The following STIL variants were observed in gnomAD, a reference collection of about 807,000 sequenced individuals.
STIL encodes the protein SCL-interrupting locus protein.
A neutral mutation model predicts 110.1 loss-of-function variants in STIL; 55 were observed. The ratio of observed to expected loss-of-function variants is 0.50; its 90% CI spans 0.40 to 0.63. The LOEUF (loss-of-function observed/expected upper bound fraction) is 0.63. Among genes scored for constraint, STIL ranks in the 20% least tolerant of loss-of-function variants. STIL has a pLI of 0.00. For synonymous variants in STIL, 481 were observed against 530.0 expected (o/e 0.91, Z 1.27); for missense variants, 1,358 against 1,530.0 (o/e 0.89, Z 1.87).
chr1:47,289,058 T>A (rs1645393893), intron 9 of STIL, among the ~76,000 whole-genome samples: 1 of 53,800 alleles, frequency 1.9e-5, no homozygotes, highest in African/African-American at 6.6e-5. Context: ...TGAGATTCCA[T>A]CTCAAAAAAA....
chr1:47,260,558 AT>A lies in STIL; in HGVS notation c.2830-20del, dbSNP rs766314697. 7 of 1,613,504 alleles carry A rather than the reference AT, an allele frequency of 4.3e-6. No individual in the cohort carries two copies. Among genetic ancestry groups the A allele is most frequent in the African/African-American group, 1.3e-5 (1 of 75,016 alleles). ...CTTGACCCTGACAAAAAGAAAAAAA[AT>A]TTTTTTGAAAAATCACTATTAACAA... On this transcript the variant is annotated intron_variant, in intron 15 of 16. Coordinates refer to ENST00000371877, the MANE Select transcript of STIL (RefSeq NM_001048166.1).
intron 2 of STIL, among the ~76,000 whole-genome samples, chr1:47,308,403 AAAAG>A (rs972004266): frequency 1.7e-5 from 2 of 117,568 alleles, no homozygotes; most frequent in Admixed American, 2.1e-4. Flanking sequence ...AAAACAAAAA[AAAAG>A]AAAAAAGAAA....
chr1:47,266,506 C>A (rs1644658286), intron 14 of STIL, among the ~76,000 whole-genome samples: 1 of 152,192 alleles, frequency 6.6e-6, no homozygotes, highest in South Asian at 2.1e-4. Flanking sequence ...CTACTACAGG[C>A]ACATACCACC....
chr1:47,284,970 A>G (rs1191838413), intron 10 of STIL, among the ~76,000 whole-genome samples: 1 of 149,340 alleles, frequency 6.7e-6, no homozygotes, highest in East Asian at 2.0e-4. Context: ...TCAAATTGCA[A>G]TTCTTCCCTG....
chr1:47,266,915 G>A (rs1301549536), intron 14 of STIL, among the ~76,000 whole-genome samples: 1 of 152,074 alleles, frequency 6.6e-6, no homozygotes, highest in African/African-American at 2.4e-5. Context: ...ATCCTACAAA[G>A]CCCCATATAA....
chr1:47,275,500 C>T (rs953851287), intron 12 of STIL, among the ~76,000 whole-genome samples: 6 of 151,826 alleles, frequency 4.0e-5, no homozygotes, highest in Non-Finnish European at 7.4e-5. Flanking sequence ...CCCAGCTACT[C>T]AGGAGGCTGA....
Position 47,264,791 on chromosome 1 carries a change from C to G in STIL, c.2616-1675G>C, listed in dbSNP as rs368708699. Reference sequence around the variant, plus strand: ...ACAACACTGGAGAAAGTATTTAATCCAAATCAACAACCCAAATCAATGCTG... The same window carrying G: ...ACAACACTGGAGAAAGTATTTAATCGAAATCAACAACCCAAATCAATGCTG... On this transcript the variant is annotated intron_variant, in intron 14 of 16. Coordinates refer to ENST00000371877, the MANE Select transcript of STIL (RefSeq NM_001048166.1). Among the ~76,000 whole-genome samples the G allele has an allele frequency of 1.4e-4, 22 of 152,158 alleles. No individual in the cohort carries two copies. In the East Asian group the frequency reaches 4.3e-3, roughly 29 times the overall value.
In STIL at chr1:47,281,215, A is replaced by C; in HGVS notation, c.1249-6T>G. 6.2e-7 allele frequency: 1 copy of C among 1,610,610 alleles called. No individual in the cohort carries two copies. The highest frequency in any genetic ancestry group is 8.5e-7 in the Non-Finnish European group (1 of 1,179,148). On this transcript the variant is annotated splice_polypyrimidine_tract_variant and splice_region_variant and intron_variant, in intron 11 of 16. Transcript: ENST00000371877. The stretch of plus-strand genomic sequence containing the variant: ...GATGGTTGGATCTTAGAAATCTACA[A>C]ATAAGAAAGAAATAGAAAAAAAAAG...
At chr1:47,255,607 G>C (rs1212353646) in intron 16 of STIL, among the ~76,000 whole-genome samples, 1 of 150,136 alleles carries the variant, frequency 6.7e-6, no homozygotes, top group Non-Finnish European at 1.5e-5. Flanking sequence ...ATCCAGATTA[G>C]TTATCTACTA....
intron 8 of STIL, among the ~76,000 whole-genome samples, chr1:47,291,502 C>T (rs1189039893): frequency 6.6e-6 from 1 of 152,090 alleles, no homozygotes; most frequent in Non-Finnish European, 1.5e-5. Flanking sequence ...TTTTTCTCCA[C>T]AGTACTCATC....
chr1:47,251,940 G>T lies in STIL; in HGVS notation c.3081-18C>A. On this transcript the variant is annotated intron_variant, in intron 16 of 16. Transcript: ENST00000371877. ...CCAACACACTGAAAGACACAAAGTAGTAAGCCATCATTTACCATATTCTAA... is the reference window on the plus strand; with the variant it reads ...CCAACACACTGAAAGACACAAAGTATTAAGCCATCATTTACCATATTCTAA... 6.2e-7 allele frequency: 1 copy of T among 1,607,912 alleles called. No homozygotes were observed. Among genetic ancestry groups the T allele is most frequent in the Non-Finnish European group, 8.5e-7 (1 of 1,178,614 alleles).
At chr1:47,292,499 A>C (rs1645523959) in intron 8 of STIL, among the ~76,000 whole-genome samples, 2 of 152,166 alleles carry the variant, frequency 1.3e-5, no homozygotes, top group South Asian at 2.1e-4. Flanking sequence ...CAAAAGGGCC[A>C]GTTTTTAAAA....
At chr1:47,268,780 TA>T (rs778713973) in intron 14 of STIL, among the ~76,000 whole-genome samples, 11,746 of 150,726 alleles carry the variant, frequency 0.078, 1,410 homozygotes, top group African/African-American at 0.26. Context: ...AATAAATAAA[TA>T]AATAAATAAA....
intron 16 of STIL, among the ~76,000 whole-genome samples, chr1:47,258,349 T>A (rs889783160): frequency 2.6e-5 from 4 of 152,190 alleles, no homozygotes; most frequent in African/African-American, 9.6e-5. Context: ...TAGGAATTTA[T>A]CCTACAAAGA....
Position 47,299,914 on chromosome 1 carries a change from T to G in STIL, c.692A>C (p.Tyr231Ser), listed in dbSNP as rs2149180894. The G allele has an allele frequency of 6.2e-7, 1 of 1,613,888 alleles. No individual in the cohort carries two copies. Among genetic ancestry groups the G allele is most frequent in the South Asian group, 1.1e-5 (1 of 91,074 alleles). ...TGTATCTTTTACTTACCCATATTTA[T>G]AAGTCCCTTGAACTTGAGAAATATT... ...NLNISQVQGT[Y>S]KYGYLTMDET... is the part of the protein sequence containing the mutation. Residue 231 changes from tyrosine (Y) to serine (S), a missense_variant, in exon 6 of 17, where the codon TAT (tyrosine) becomes TCT (serine). Transcript: ENST00000371877.
At chr1:47,262,399 G>C (rs1266290503) in intron 15 of STIL, among the ~76,000 whole-genome samples, 5 of 152,066 alleles carry the variant, frequency 3.3e-5, no homozygotes. Context: ...CTCCTCAACA[G>C]CCTGTCTTAT....
chr1:47,306,873 G>A (rs1645975170), intron 2 of STIL, among the ~76,000 whole-genome samples: 1 of 152,160 alleles, frequency 6.6e-6, no homozygotes, highest in African/African-American at 2.4e-5. Flanking sequence ...CCACTAATGG[G>A]GCCAGGCCTG....
chr1:47,301,887 C>A lies in STIL; in HGVS notation c.266-139G>T, dbSNP rs372711790. ...TCTTAAATACTAAACTAAACTCTTA[C>A]AGTAAACTAAACTCTTATAAGCGTA... On this transcript the variant is annotated intron_variant, in intron 4 of 16. Transcript: ENST00000371877. 5.1e-6 allele frequency: 4 copies of A among 790,496 alleles called. No individual in the cohort carries two copies. The African/African-American group carries it at 5.2e-5, about 10-fold the overall frequency. 49.0% of individuals were successfully genotyped at this position (790,496 alleles called of 1,614,324 possible).
At chr1:47,294,107 A>T (rs1227208201) in intron 7 of STIL, among the ~76,000 whole-genome samples, 1 of 152,198 alleles carries the variant, frequency 6.6e-6, no homozygotes, top group Non-Finnish European at 1.5e-5. Context: ...ATTCTCATTC[A>T]CTTTGCATGT....
Sources: allele counts gnomAD v4.1 joint callset (sites outside exome capture counted in the v4.1 genomes callset), GRCh38; gene constraint gnomAD v4.1.1; transcripts MANE v1.5; gene names NCBI Gene and HGNC (gene_info 2026-07-23, HGNC 2026-07-21).